Variants in ROR2 observed in about 807,000 individuals in gnomAD.
ROR2 encodes tyrosine-protein kinase transmembrane receptor ROR2.
Under a neutral mutation model 74.9 loss-of-function variants are expected in ROR2, and 33 were observed. The ratio of observed to expected loss-of-function variants is 0.44; its 90% CI spans 0.33 to 0.59. ROR2 has a LOEUF of 0.59. Among genes scored for constraint, ROR2 ranks in the 20% least tolerant of loss-of-function variants. The pLI, the probability that ROR2 is intolerant of heterozygous loss-of-function variation, is 0.02. For synonymous variants in ROR2, 586 were observed against 558.7 expected, an observed-to-expected ratio of 1.05 and a Z score of -0.69; for missense variants, 1,216 against 1,313.8, an observed-to-expected ratio of 0.93 and a Z score of 1.15.
chr9:91,854,346 G>A (rs911599794), intron 1 of ROR2, among the ~76,000 whole-genome samples: 3 of 152,184 alleles, frequency 2.0e-5, no homozygotes, highest in African/African-American at 7.2e-5. Flanking sequence ...TGAGGCGTAG[G>A]ATAGGGGCCA....
chr9:91,925,207 C>T (rs1831364340), intron 1 of ROR2, among the ~76,000 whole-genome samples: 1 of 152,108 alleles, frequency 6.6e-6, no homozygotes, highest in South Asian at 2.1e-4. Flanking sequence ...GGTCCAGAGA[C>T]ACCACTGAGA....
intron 2 of ROR2, among the ~76,000 whole-genome samples, chr9:91,766,056 T>C (rs936483440): frequency 2.0e-5 from 3 of 152,204 alleles, no homozygotes. Context: ...TATTCTCAAG[T>C]GTAGCATTTA....
intron 1 of ROR2, among the ~76,000 whole-genome samples, chr9:91,851,368 GAAAAGAAAAGA>G (rs1300793433): frequency 2.1e-5 from 3 of 145,860 alleles, no homozygotes; most frequent in Admixed American, 6.8e-5. Flanking sequence ...AAAAAAAAAA[GAAAAGAAAAGA>G]AAAAGAAAAA....
At chr9:91,762,259 C>G (rs989220429) in intron 2 of ROR2, among the ~76,000 whole-genome samples, 1 of 152,218 alleles carries the variant, frequency 6.6e-6, no homozygotes, top group African/African-American at 2.4e-5. Context: ...ATCCTCTTTT[C>G]TCAAAATAAT....
Position 91,742,649 on chromosome 9 carries a change from C to G in ROR2, c.495-5131G>C, listed in dbSNP as rs79573102. Among the ~76,000 whole-genome samples, 1,330 of 152,304 alleles carry G rather than the reference C, an allele frequency of 8.7e-3. 18 individuals carry two copies. Among genetic ancestry groups the G allele is most frequent in the African/African-American group, 0.03 (1,258 of 41,568 alleles). Reference sequence around the variant, plus strand: ...TACAATGGAGCTGAAAAATCCTCATCGCCTAGTGACATCGGAGCTGTCATA... The same window carrying G: ...TACAATGGAGCTGAAAAATCCTCATGGCCTAGTGACATCGGAGCTGTCATA... On this transcript the variant is annotated intron_variant, in intron 4 of 8. Transcript: ENST00000375708.
intron 5 of ROR2, among the ~76,000 whole-genome samples, chr9:91,736,057 T>C (rs1028294667): frequency 6.6e-6 from 1 of 152,330 alleles, no homozygotes; most frequent in South Asian, 2.1e-4. Flanking sequence ...TAAAGTATAT[T>C]CTCTATTTTC....
intron 1 of ROR2, among the ~76,000 whole-genome samples, chr9:91,875,413 AT>A (rs1213151727): frequency 6.6e-6 from 1 of 152,202 alleles, no homozygotes; most frequent in Non-Finnish European, 1.5e-5. Flanking sequence ...TAATTGTTTA[AT>A]TTTCTCATTT....
chr9:91,735,184 G>A (rs1283637067), intron 5 of ROR2, among the ~76,000 whole-genome samples: 1 of 152,162 alleles, frequency 6.6e-6, no homozygotes, highest in East Asian at 1.9e-4. Context: ...TTCTGAAAGT[G>A]CAATTCTAGG....
intron 1 of ROR2, among the ~76,000 whole-genome samples, chr9:91,840,262 C>T (rs571763596): frequency 9.9e-5 from 15 of 152,270 alleles, no homozygotes; most frequent in African/African-American, 3.4e-4. Context: ...CACAACGGCC[C>T]GGGATAACGT....
intron 1 of ROR2, among the ~76,000 whole-genome samples, chr9:91,857,527 G>A (rs11790201): frequency 0.041 from 6,229 of 152,326 alleles, 183 homozygotes; most frequent in East Asian, 0.097. Context: ...GAGACTCGCA[G>A]GCACCATGAG....
At chr9:91,783,641 A>C (rs938578724) in intron 1 of ROR2, among the ~76,000 whole-genome samples, 1 of 152,166 alleles carries the variant, frequency 6.6e-6, no homozygotes, top group Non-Finnish European at 1.5e-5. Flanking sequence ...CTTGTGCCCA[A>C]ATGAGCTTTT....
chr9:91,742,256 C>A (rs1187278144), intron 4 of ROR2, among the ~76,000 whole-genome samples: 1 of 152,168 alleles, frequency 6.6e-6, no homozygotes, highest in African/African-American at 2.4e-5. Flanking sequence ...GACCGACCCC[C>A]ATGATTCAAT....
chr9:91,831,602 T>C (rs1320912680), intron 1 of ROR2, among the ~76,000 whole-genome samples: 1 of 151,810 alleles, frequency 6.6e-6, no homozygotes, highest in East Asian at 1.9e-4. Flanking sequence ...GTGGTGAAAC[T>C]CTATCTCTAC....
At chr9:91,767,015 G>A (rs559655758) in intron 2 of ROR2, among the ~76,000 whole-genome samples, 87 of 152,072 alleles carry the variant, frequency 5.7e-4, no homozygotes, top group African/African-American at 2.0e-3. Context: ...CAACCCAAAG[G>A]CAAAGTAACA....
intron 1 of ROR2, among the ~76,000 whole-genome samples, chr9:91,891,132 T>A (rs1268159505): frequency 1.3e-5 from 2 of 152,248 alleles, no homozygotes; most frequent in African/African-American, 2.4e-5. Context: ...TTAGCAGCTT[T>A]TCTAAACACC....
chr9:91,941,824 T>A (rs1042307245), intron 1 of ROR2, among the ~76,000 whole-genome samples: 1 of 148,104 alleles, frequency 6.8e-6, no homozygotes, highest in African/African-American at 2.5e-5. Context: ...AGGGTGTTGC[T>A]CTGCTGCCCA....
chr9:91,821,448 C>G (rs1431097417), intron 1 of ROR2, among the ~76,000 whole-genome samples: 2 of 152,190 alleles, frequency 1.3e-5, no homozygotes, highest in Admixed American at 1.3e-4. Context: ...TCCTGGTGGT[C>G]TCCTTTCCAC....
chr9:91,779,061 C>G (rs916377618), intron 1 of ROR2, among the ~76,000 whole-genome samples: 1 of 151,964 alleles, frequency 6.6e-6, no homozygotes, highest in Non-Finnish European at 1.5e-5. Context: ...GACCCTGGAA[C>G]AGAAAAGGGA....
chr9:91,745,867 G>C (rs931696915), intron 4 of ROR2, among the ~76,000 whole-genome samples: 1 of 152,016 alleles, frequency 6.6e-6, no homozygotes. Context: ...GGGATTTAAG[G>C]AAAGTTGTAT....
Sources: allele counts gnomAD v4.1 joint callset (sites outside exome capture counted in the v4.1 genomes callset), GRCh38; gene constraint gnomAD v4.1.1; transcripts MANE v1.5; gene names NCBI Gene and HGNC (gene_info 2026-07-23, HGNC 2026-07-21).